The following ANO1 variants were observed in gnomAD, a reference collection of about 807,000 sequenced individuals.
The protein encoded by ANO1 is anoctamin 1.
Under a neutral mutation model 124.0 loss-of-function variants are expected in ANO1, and 59 were observed. The ratio of observed to expected loss-of-function variants is 0.48; its 90% CI spans 0.39 to 0.59. The LOEUF is 0.59. Ranked by LOEUF, ANO1 falls within the 20% of genes least tolerant of loss-of-function variation. ANO1 has a pLI of 0.00. For missense variants in ANO1, 1,059 were observed against 1,328.0 expected, an observed-to-expected ratio of 0.80 and a Z score of 3.15; for synonymous variants, 529 against 532.0, an observed-to-expected ratio of 0.99 and a Z score of 0.08.
intron 1 of ANO1, among the ~76,000 whole-genome samples, chr11:70,010,181 A>ATATATATATATATATATATATATATC (rs1856575002): frequency 1.9e-5 from 1 of 51,660 alleles, no homozygotes; most frequent in African/African-American, 6.1e-5. Flanking sequence ...GTGTGTGTGT[A>ATATATATATATATATATATATATATC]TATATATATA....
At chr11:70,107,826 G>A (rs112891209) in intron 5 of ANO1, among the ~76,000 whole-genome samples, 2 of 152,120 alleles carry the variant, frequency 1.3e-5, no homozygotes, top group Admixed American at 1.3e-4. Flanking sequence ...CTCTGCCCAG[G>A]CACCAGGAAC....
At chr11:70,003,280 T>C (rs1430956329) in intron 1 of ANO1, among the ~76,000 whole-genome samples, 3 of 152,214 alleles carry the variant, frequency 2.0e-5, no homozygotes, top group Non-Finnish European at 4.4e-5. Flanking sequence ...ATCCACATTA[T>C]AGGATCTGAG....
At chr11:70,037,540 A>T (rs1313634628) in intron 1 of ANO1, among the ~76,000 whole-genome samples, 5 of 152,082 alleles carry the variant, frequency 3.3e-5, no homozygotes, top group Admixed American at 2.6e-4. Flanking sequence ...GGAAGGACCC[A>T]GGTGGCCTAG....
At position 70,153,091 on chromosome 11, in the gene ANO1, T is replaced by C; in HGVS notation, c.1388T>C (p.Leu463Ser). The C allele has an allele frequency of 6.2e-7, 1 of 1,607,914 alleles. No homozygotes were observed. The highest frequency in any genetic ancestry group is 1.3e-5 in the African/African-American group (1 of 74,978). ...HPRAEYEARV[L>S]EKSLKKESRN... ...AGAGCTGAATACGAAGCCAGAGTCT[T>C]GGAGAAGTCTCTGAAGAAAGAGTCC... Residue 463 changes from leucine to serine, a missense_variant, in exon 14 of 26, where the codon TTG becomes TCG. By Grantham distance (145) the Leu-to-Ser change is moderately radical. Transcript: ENST00000355303.
chr11:70,057,204 T>C (rs184081263), intron 1 of ANO1, among the ~76,000 whole-genome samples: 96 of 152,322 alleles, frequency 6.3e-4, no homozygotes, highest in African/African-American at 2.1e-3. Context: ...ATCTTGGATA[T>C]CACGTGTGGA....
chr11:69,991,521 C>A (rs969093726), intron 1 of ANO1, among the ~76,000 whole-genome samples: 2 of 152,210 alleles, frequency 1.3e-5, no homozygotes, highest in Non-Finnish European at 1.5e-5. Flanking sequence ...GACCACCATG[C>A]CACCTGCAGT....
At chr11:70,153,179 A>T in intron 14 of ANO1, 51 bp downstream of exon 14, 1 of 1,462,478 alleles carries the variant, frequency 6.8e-7, no homozygotes, top group South Asian at 1.2e-5. Context: ...CACTGTGTTC[A>T]TCAACCATGT....
At chr11:70,131,796 C>A in intron 10 of ANO1, 123 bp from the exon 11 acceptor site, 3 of 1,188,474 alleles carry the variant, frequency 2.5e-6, no homozygotes, top group Non-Finnish European at 3.5e-6. Flanking sequence ...ATGGCATGGA[C>A]CTGAGGGACC....
intron 14 of ANO1, among the ~76,000 whole-genome samples, chr11:70,154,353 G>T (rs10793017): frequency 0.23 from 35,093 of 151,978 alleles, 4,778 homozygotes; most frequent in East Asian, 0.44. Flanking sequence ...CCCATCTGGA[G>T]GGTAAAGTGG....
At chr11:69,993,026 G>C (rs1240931570) in intron 1 of ANO1, among the ~76,000 whole-genome samples, 1 of 152,192 alleles carries the variant, frequency 6.6e-6, no homozygotes, top group Non-Finnish European at 1.5e-5. Flanking sequence ...GCAGCTCATG[G>C]GGACATTTTG....
intron 1 of ANO1, among the ~76,000 whole-genome samples, chr11:70,019,328 G>C: frequency 7.0e-6 from 1 of 143,670 alleles, no homozygotes; most frequent in East Asian, 2.1e-4. Context: ...GCACACACAC[G>C]CACGCACACA....
chr11:70,025,962 A>G (rs1856895987), intron 1 of ANO1, among the ~76,000 whole-genome samples: 2 of 143,162 alleles, frequency 1.4e-5, no homozygotes, highest in Non-Finnish European at 3.0e-5. Context: ...GACAGTGATG[A>G]TGATGATGGT....
At chr11:70,170,201 T>C (rs1472181929) in intron 21 of ANO1, 6 of 454,602 alleles carry the variant, frequency 1.3e-5, no homozygotes, top group Admixed American at 1.2e-4. Context: ...GCCCCCATGA[T>C]GGAAGCAGCA....
chr11:70,071,546 T>G (rs1341442962), intron 1 of ANO1, among the ~76,000 whole-genome samples: 1 of 152,198 alleles, frequency 6.6e-6, no homozygotes, highest in African/African-American at 2.4e-5. Flanking sequence ...AGATATGCCG[T>G]AAAGTAAAAT....
intron 24 of ANO1, among the ~76,000 whole-genome samples, chr11:70,184,618 G>T (rs1026416106): frequency 1.3e-5 from 2 of 152,238 alleles, no homozygotes; most frequent in African/African-American, 4.8e-5. Context: ...GGGCCAGGCC[G>T]GCTGCCTGAC....
chr11:70,061,859 G>C (rs1857587472), intron 1 of ANO1, among the ~76,000 whole-genome samples: 1 of 151,778 alleles, frequency 6.6e-6, no homozygotes, highest in Admixed American at 6.6e-5. Context: ...CAACCAATTA[G>C]GGGAGGGTCT....
chr11:70,048,069 T>G (rs550682430), intron 1 of ANO1, among the ~76,000 whole-genome samples: 9 of 152,346 alleles, frequency 5.9e-5, no homozygotes, highest in African/African-American at 2.2e-4. Context: ...TCCAAATATT[T>G]TGGTGAAAAT....
chr11:69,993,410 C>A (rs1386379937), intron 1 of ANO1, among the ~76,000 whole-genome samples: 1 of 152,160 alleles, frequency 6.6e-6, no homozygotes, highest in African/African-American at 2.4e-5. Context: ...ATGTTTATTG[C>A]ATTGTGTTTC....
At chr11:70,060,518 T>A (rs1233383555) in intron 1 of ANO1, among the ~76,000 whole-genome samples, 1 of 152,208 alleles carries the variant, frequency 6.6e-6, no homozygotes, top group Middle Eastern at 3.4e-3. Context: ...TGGGCTGAAA[T>A]TGGGCCCATG....
Sources: allele counts gnomAD v4.1 joint callset (sites outside exome capture counted in the v4.1 genomes callset), GRCh38; gene constraint gnomAD v4.1.1; transcripts MANE v1.5; gene names NCBI Gene and HGNC (gene_info 2026-07-23, HGNC 2026-07-21).